GABRA2: variants seen among roughly 807,000 people sequenced by gnomAD.
GABRA2 encodes the protein gamma-aminobutyric acid type A receptor subunit alpha2, also known as gamma-aminobutyric acid receptor subunit alpha-2.
Under a neutral mutation model 48.7 loss-of-function variants are expected in GABRA2, and 16 were observed. The ratio of observed to expected loss-of-function variants is 0.33; its 90% CI spans 0.22 to 0.50. The LOEUF is 0.50. GABRA2 is among the 20% of genes least tolerant of loss of function. The pLI, the probability that GABRA2 is intolerant of heterozygous loss-of-function variation, is 0.98. For missense variants in GABRA2, 275 were observed against 535.6 expected, an observed-to-expected ratio of 0.51 and a Z score of 4.80; for synonymous variants, 185 against 184.5, an observed-to-expected ratio of 1.00 and a Z score of -0.02.
intron 3 of GABRA2, among the ~76,000 whole-genome samples, chr4:46,333,338 T>G (rs1275848072): frequency 6.6e-6 from 1 of 152,082 alleles, no homozygotes; most frequent in African/African-American, 2.4e-5. Flanking sequence ...TGTAATACAA[T>G]TAACTGGATT....
intron 8 of GABRA2, among the ~76,000 whole-genome samples, chr4:46,268,137 C>T (rs1430649796): frequency 6.6e-6 from 1 of 151,652 alleles, no homozygotes; most frequent in Non-Finnish European, 1.5e-5. Context: ...GACATTAGTT[C>T]GGGTAATGAT....
intron 3 of GABRA2, among the ~76,000 whole-genome samples, chr4:46,343,014 A>G (rs577459337): frequency 1.4e-4 from 21 of 151,896 alleles, no homozygotes; most frequent in African/African-American, 4.6e-4. Flanking sequence ...CATGCCTGAC[A>G]CTTTCTAAGC....
Position 46,326,108 on chromosome 4 carries a change from T to C in GABRA2, c.255+6507A>G, listed in dbSNP as rs1368103890. Among the ~76,000 whole-genome samples, 3 of 152,098 alleles carry C rather than the reference T, an allele frequency of 2.0e-5. No individual in the cohort carries two copies. The East Asian group carries it at 5.8e-4, about 29-fold the overall frequency. ...GATATTTGAATTTATTTTCCAATTATGTTAAAAGTGATATTGATAGTGTGA... is the reference window on the plus strand; with the variant it reads ...GATATTTGAATTTATTTTCCAATTACGTTAAAAGTGATATTGATAGTGTGA... On this transcript the variant is annotated intron_variant, in intron 4 of 9. Coordinates refer to ENST00000381620, the MANE Select transcript of GABRA2 (RefSeq NM_000807.4).
Position 46,246,286 on chromosome 4 carries a change from T to A in GABRA2, c.*4022A>T, listed in dbSNP as rs1462498584. On this transcript the variant is annotated 3_prime_UTR_variant, in exon 10 of 10. Coordinates refer to ENST00000381620, the MANE Select transcript of GABRA2 (RefSeq NM_000807.4). ...TAAATACTGATGGAAAATATTAATA[T>A]CTTTAATATAAATTTTAACAGCAAA... 6.6e-6 allele frequency among the ~76,000 whole-genome samples: 1 copy of A among 151,026 alleles called. No individual in the cohort carries two copies. The highest frequency in any genetic ancestry group is 1.5e-5 in the Non-Finnish European group (1 of 67,450).
chr4:46,372,326 C>T (rs1715026089), intron 3 of GABRA2, among the ~76,000 whole-genome samples: 1 of 152,116 alleles, frequency 6.6e-6, no homozygotes, highest in Non-Finnish European at 1.5e-5. Flanking sequence ...AAATCAGCTG[C>T]AAGTGCCCAG....
At chr4:46,378,115 G>T (rs1464985763) in intron 3 of GABRA2, among the ~76,000 whole-genome samples, 5 of 152,048 alleles carry the variant, frequency 3.3e-5, no homozygotes, top group African/African-American at 1.2e-4. Flanking sequence ...CTACTGGGAA[G>T]TGAGGAGCCC....
At chr4:46,368,213 C>T (rs931295685) in intron 3 of GABRA2, 1 of 152,040 alleles carries the variant, frequency 6.6e-6, no homozygotes, top group Non-Finnish European at 1.5e-5. Flanking sequence ...AAACATAAGC[C>T]AGTTAATTCT....
At chr4:46,254,191 G>T (rs1715359581) in intron 9 of GABRA2, among the ~76,000 whole-genome samples, 1 of 151,490 alleles carries the variant, frequency 6.6e-6, no homozygotes, top group African/African-American at 2.4e-5. Flanking sequence ...TGTGTTGGGA[G>T]AAATCATACT....
At chr4:46,337,470 C>T (rs572546217) in intron 3 of GABRA2, among the ~76,000 whole-genome samples, 4 of 151,826 alleles carry the variant, frequency 2.6e-5, no homozygotes, top group South Asian at 2.1e-4. Flanking sequence ...CACAATAATA[C>T]GAATGTTGTC....
At chr4:46,282,799 C>T (rs1241543558) in intron 8 of GABRA2, among the ~76,000 whole-genome samples, 4 of 152,148 alleles carry the variant, frequency 2.6e-5, no homozygotes, top group South Asian at 2.1e-4. Context: ...ACTTGCATAG[C>T]GTTTACTATT....
chr4:46,377,457 G>A (rs1273332873), intron 3 of GABRA2, among the ~76,000 whole-genome samples: 3 of 145,312 alleles, frequency 2.1e-5, no homozygotes, highest in African/African-American at 7.5e-5. Flanking sequence ...CCCTCTGCCT[G>A]GCAACCGCCC....
chr4:46,343,943 A>T (rs426463), intron 3 of GABRA2, among the ~76,000 whole-genome samples: 1 of 151,168 alleles, frequency 6.6e-6, no homozygotes, highest in Non-Finnish European at 1.5e-5. Context: ...ATCCCTAAAA[A>T]GAGAAAAGTA....
chr4:46,336,954 A>G (rs1732339048), intron 3 of GABRA2, among the ~76,000 whole-genome samples: 1 of 152,124 alleles, frequency 6.6e-6, no homozygotes, highest in African/African-American at 2.4e-5. Flanking sequence ...TTAATGAAAA[A>G]TTGCTTTTTT....
intron 8 of GABRA2, among the ~76,000 whole-genome samples, chr4:46,280,122 A>AAT (rs985090198): frequency 3.2e-4 from 49 of 151,900 alleles, no homozygotes; most frequent in South Asian, 6.2e-4. Context: ...AATCAAACAG[A>AAT]ATATATATAT....
intron 2 of GABRA2, among the ~76,000 whole-genome samples, 197 bp downstream of exon 2, chr4:46,388,439 G>C (rs1172821306): frequency 1.3e-5 from 2 of 152,090 alleles, no homozygotes; most frequent in Admixed American, 1.3e-4. Flanking sequence ...GTTTCTGTTT[G>C]CTTTTGGATC....
At chr4:46,382,393 T>C (rs1716878593) in intron 3 of GABRA2, among the ~76,000 whole-genome samples, 1 of 151,818 alleles carries the variant, frequency 6.6e-6, no homozygotes, top group South Asian at 2.1e-4. Flanking sequence ...TATCCCAGTG[T>C]GTTCAAAGAG....
At chr4:46,313,116 C>CAAATAAATAAAT (rs199996713) in intron 4 of GABRA2, among the ~76,000 whole-genome samples, 11 of 134,482 alleles carry the variant, frequency 8.2e-5, no homozygotes, top group Admixed American at 1.5e-4. Context: ...TTCCCAGTAG[C>CAAATAAATAAAT]AAATAAATAA....
chr4:46,271,631 A>C (rs1276896902), intron 8 of GABRA2, among the ~76,000 whole-genome samples: 1 of 152,118 alleles, frequency 6.6e-6, no homozygotes, highest in Non-Finnish European at 1.5e-5. Context: ...ACTCAAACTC[A>C]CATCTTTAAT....
At chr4:46,266,260 T>C (rs1292513826) in intron 8 of GABRA2, among the ~76,000 whole-genome samples, 1 of 148,520 alleles carries the variant, frequency 6.7e-6, no homozygotes, top group Non-Finnish European at 1.5e-5. Context: ...TTCAATATTT[T>C]AATATTTTAT....
Sources: gnomAD v4.1 joint callset for allele counts (sites outside exome capture counted in the v4.1 genomes callset) on GRCh38, gnomAD v4.1.1 for gene constraint, MANE v1.5 for transcripts, NCBI Gene and HGNC (gene_info 2026-07-23, HGNC 2026-07-21) for gene names.